Variants in ABLIM2 observed in about 807,000 individuals in gnomAD.
ABLIM2 encodes actin-binding LIM protein 2.
A neutral mutation model predicts 97.7 loss-of-function variants in ABLIM2; 53 were observed. The ratio of observed to expected loss-of-function variants is 0.54; its 90% CI spans 0.44 to 0.68. The LOEUF is 0.68. ABLIM2 is among the 30% of genes least tolerant of loss of function. The pLI, the probability that ABLIM2 is intolerant of heterozygous loss-of-function variation, is 0.00. For synonymous variants in ABLIM2, 361 were observed against 345.8 expected (o/e 1.04, Z -0.49); for missense variants, 835 against 867.2 (o/e 0.96, Z 0.47).
Position 8,071,371 on chromosome 4 carries a change from T to A in ABLIM2, c.675+6257A>T, listed in dbSNP as rs1225374278. Among the ~76,000 whole-genome samples, 1 of 152,152 alleles carries A rather than the reference T, an allele frequency of 6.6e-6. No individual in the cohort carries two copies. The highest frequency in any genetic ancestry group is 2.4e-5 in the African/African-American group (1 of 41,434). On this transcript the variant is annotated intron_variant, in intron 6 of 20. Transcript: ENST00000447017. The surrounding 1 kb of genome is among the most constrained non-coding windows in gnomAD (Gnocchi z 6.2). ...GACAGACACCCAGAGATGGGTGGGA[T>A]GCAGGCCAACATGCATGAGGGTGCT...
rs995739425 is a variant in ABLIM2 at position 8,005,826 on chromosome 4, C to G, written c.1618+2233G>C. Among the ~76,000 whole-genome samples, 1 of 152,234 alleles carries G rather than the reference C, an allele frequency of 6.6e-6. No homozygotes were observed. Among genetic ancestry groups the G allele is most frequent in the Admixed American group, 6.5e-5 (1 of 15,288 alleles). ...AAGCGAAGGAAGGACAGCATCATAGCCACATCTTCATAAGCAGGCATGGCC... is the reference window on the plus strand; with the variant it reads ...AAGCGAAGGAAGGACAGCATCATAGGCACATCTTCATAAGCAGGCATGGCC... On this transcript the variant is annotated intron_variant, in intron 16 of 20. Coordinates refer to ENST00000447017, the MANE Select transcript of ABLIM2 (RefSeq NM_001130083.2). This position sits in a 1 kb window ranked among gnomAD's most constrained non-coding sequence, Gnocchi z 4.9.
At chr4:8,038,766 C>G (rs1252094893) in intron 9 of ABLIM2, among the ~76,000 whole-genome samples, 1 of 152,192 alleles carries the variant, frequency 6.6e-6, no homozygotes, top group African/African-American at 2.4e-5. Context: ...CAATCCCGAG[C>G]CAGCCATTTG....
chr4:8,081,461 A>G (rs1456393717), intron 4 of ABLIM2, among the ~76,000 whole-genome samples: 1 of 152,078 alleles, frequency 6.6e-6, no homozygotes, highest in African/African-American at 2.4e-5. Context: ...GCGGCCCACA[A>G]TCCCTCCACC....
At position 7,970,200 on chromosome 4, in the gene ABLIM2, GT is replaced by G; in HGVS notation, c.1825-3098del. On this transcript the variant is annotated intron_variant, in intron 20 of 20. Coordinates refer to ENST00000447017, the MANE Select transcript of ABLIM2 (RefSeq NM_001130083.2). The surrounding 1 kb of genome is among the most constrained non-coding windows in gnomAD (Gnocchi z 5.3). ...GTAGGCTGGGGTGGTGAACTGACACGTAAGTAAATATGTAAAGGAGGGGAGG... is the reference window on the plus strand; with the variant it reads ...GTAGGCTGGGGTGGTGAACTGACACGAAGTAAATATGTAAAGGAGGGGAGG... Among the ~76,000 whole-genome samples the G allele has an allele frequency of 1.3e-5, 2 of 152,292 alleles. No individual in the cohort carries two copies. The highest frequency in any genetic ancestry group is 2.1e-4 in the South Asian group (1 of 4,828).
Position 8,005,523 on chromosome 4 carries a change from G to T in ABLIM2, c.1618+2536C>A. On this transcript the variant is annotated intron_variant, in intron 16 of 20. Coordinates refer to ENST00000447017, the MANE Select transcript of ABLIM2 (RefSeq NM_001130083.2). This position sits in a 1 kb window ranked among gnomAD's most constrained non-coding sequence, Gnocchi z 4.9. ...TGGTGCCCACGGACTCAGGTCTGGG[G>T]GCTACTTGGTGACAATCAAAAGAAC... The T allele has an allele frequency of 2.0e-6, 1 of 507,724 alleles. No individual in the cohort carries two copies. The highest frequency in any genetic ancestry group is 1.4e-5 in the South Asian group (1 of 71,196). 31.5% of individuals were successfully genotyped at this position (507,724 alleles called of 1,614,324 possible).
In ABLIM2 at chr4:8,112,790, T is replaced by C. The variant is rs930362598; in HGVS notation, c.11-6153A>G. On this transcript the variant is annotated intron_variant, in intron 1 of 20. Transcript: ENST00000447017. The surrounding 1 kb of genome is among the most constrained non-coding windows in gnomAD (Gnocchi z 4.2). ...GGATGAGGATGCCAAGGCTAGGAGA[T>C]GGTCACACGGCTAAGAGACTGAGGC... Among the ~76,000 whole-genome samples, 2 of 152,126 alleles carry C rather than the reference T, an allele frequency of 1.3e-5. No individual in the cohort carries two copies. The highest frequency in any genetic ancestry group is 4.8e-5 in the African/African-American group (2 of 41,404).
rs1311228643 is a variant in ABLIM2, at chr4:8,128,566, G to T, written c.11-21929C>A. Among the ~76,000 whole-genome samples the T allele has an allele frequency of 6.6e-6, 1 of 152,224 alleles. No homozygotes were observed. Among genetic ancestry groups the T allele is most frequent in the Admixed American group, 6.5e-5 (1 of 15,290 alleles). On this transcript the variant is annotated intron_variant, in intron 1 of 20. Transcript: ENST00000447017. The surrounding 1 kb of genome is among the most constrained non-coding windows in gnomAD (Gnocchi z 4.9). ...TACTCCCAGGCTCTAAAACACGAAT[G>T]CACTAAACCTCCAGTGACCTTGCAC...
chr4:8,030,541 G>A (rs981555777), intron 10 of ABLIM2, among the ~76,000 whole-genome samples: 5 of 152,246 alleles, frequency 3.3e-5, no homozygotes, highest in Admixed American at 6.5e-5. Flanking sequence ...GCCTGTCAGA[G>A]CACGTCTCCC....
At chr4:8,070,766 C>A (rs1341397704) in intron 6 of ABLIM2, among the ~76,000 whole-genome samples, 1 of 151,844 alleles carries the variant, frequency 6.6e-6, no homozygotes, top group Non-Finnish European at 1.5e-5. Context: ...GAGTGGTTGA[C>A]TGGGGAAGGA....
chr4:7,988,853 G>A (rs1439722747), intron 17 of ABLIM2, among the ~76,000 whole-genome samples: 1 of 152,148 alleles, frequency 6.6e-6, no homozygotes, highest in African/African-American at 2.4e-5. Flanking sequence ...GCTAACACAT[G>A]TGTTCTTTTC....
At position 8,008,170 on chromosome 4, in the gene ABLIM2, C is replaced by T; in HGVS notation, c.1507G>A (p.Asp503Asn). The T allele has an allele frequency of 3.1e-6, 5 of 1,613,798 alleles. No individual in the cohort carries two copies. The highest frequency in any genetic ancestry group is 3.4e-6 in the Non-Finnish European group (4 of 1,179,794). ...QKSSWLMLKG[D>N]ADTRTNSPDL... ...GGAGAATTGGTCCTTGTGTCTGCAT[C>T]CCCCTTGAGCATCAGCCAGCTGCTC... The change falls in exon 16 of 21, where the codon GAT becomes AAT. Residue 503 changes from aspartate to asparagine, a missense_variant. Physicochemically the swap from Asp to Asn is conservative, Grantham distance 23 (BLOSUM62 1). Transcript: ENST00000447017.
rs1789767068 is a variant in ABLIM2 at position 8,043,037 on chromosome 4, G to C, written c.900+2127C>G. On this transcript the variant is annotated intron_variant, in intron 9 of 20. Coordinates refer to ENST00000447017, the MANE Select transcript of ABLIM2 (RefSeq NM_001130083.2). This position sits in a 1 kb window ranked among gnomAD's most constrained non-coding sequence, Gnocchi z 4.8. ...GTGATGGTGCATGCCTGTAGTCCCA[G>C]CTACTCGGGATGCTGAGGTGGGAGG... Among the ~76,000 whole-genome samples, 1 of 151,800 alleles carries C rather than the reference G, an allele frequency of 6.6e-6. No individual in the cohort carries two copies. Among genetic ancestry groups the C allele is most frequent in the African/African-American group, 2.4e-5 (1 of 41,304 alleles).
chr4:8,027,729 A>G (rs1375782069), intron 12 of ABLIM2, 30 bp downstream of exon 12: 3 of 1,497,154 alleles, frequency 2.0e-6, no homozygotes, highest in African/African-American at 1.4e-5. Flanking sequence ...ACCCATGAGC[A>G]CCCACAGCCC....
intron 14 of ABLIM2, among the ~76,000 whole-genome samples, chr4:8,014,501 T>C (rs901748700): frequency 6.6e-6 from 1 of 152,300 alleles, no homozygotes; most frequent in Non-Finnish European, 1.5e-5. Flanking sequence ...TGTGTGTGTA[T>C]GTGAGTGAGT....
intron 20 of ABLIM2, among the ~76,000 whole-genome samples, chr4:7,978,140 G>T (rs1043944519): frequency 6.6e-6 from 1 of 152,092 alleles, no homozygotes; most frequent in Non-Finnish European, 1.5e-5. Flanking sequence ...AACACCAGGG[G>T]TCCCTTTCTC....
chr4:8,116,722 T>C (rs1244547180), intron 1 of ABLIM2, among the ~76,000 whole-genome samples: 1 of 152,218 alleles, frequency 6.6e-6, no homozygotes, highest in African/African-American at 2.4e-5. Flanking sequence ...AGCACGAGGA[T>C]GTGAGTTCAT....
rs1760860968 is a variant in ABLIM2 at position 8,005,748 on chromosome 4, T to G, written c.1618+2311A>C. On this transcript the variant is annotated intron_variant, in intron 16 of 20. Coordinates refer to ENST00000447017, the MANE Select transcript of ABLIM2 (RefSeq NM_001130083.2). This position sits in a 1 kb window ranked among gnomAD's most constrained non-coding sequence, Gnocchi z 4.9. ...GAAGTAAAGGCACAATCAGAATGGT[T>G]AGACACAGCGGGTTTCCTGCTCAGA... 6.6e-6 allele frequency among the ~76,000 whole-genome samples: 1 copy of G among 152,218 alleles called. No homozygotes were observed. Among genetic ancestry groups the G allele is most frequent in the Admixed American group, 6.5e-5 (1 of 15,282 alleles).
rs532331317 is a variant in ABLIM2 at position 8,112,295 on chromosome 4, G to C, written c.11-5658C>G. Among the ~76,000 whole-genome samples the C allele has an allele frequency of 9.8e-5, 15 of 152,366 alleles. No individual in the cohort carries two copies. Among genetic ancestry groups the C allele is most frequent in the African/African-American group, 3.6e-4 (15 of 41,594 alleles). On this transcript the variant is annotated intron_variant, in intron 1 of 20. Transcript: ENST00000447017. This position sits in a 1 kb window ranked among gnomAD's most constrained non-coding sequence, Gnocchi z 4.2. Reference sequence around the variant, plus strand: ...CCAGAATGGGAGCCAGCAGGGTCCGGTTTGGACCCACCATCCAGGGGCAGC... The same window carrying C: ...CCAGAATGGGAGCCAGCAGGGTCCGCTTTGGACCCACCATCCAGGGGCAGC...
chr4:8,129,191 T>G (rs2152928179), intron 1 of ABLIM2, among the ~76,000 whole-genome samples: 1 of 152,310 alleles, frequency 6.6e-6, no homozygotes, highest in African/African-American at 2.4e-5. Flanking sequence ...CTTTTGACAT[T>G]TATAATTTGA....
Sources: gnomAD v4.1 joint callset for allele counts (sites outside exome capture counted in the v4.1 genomes callset) on GRCh38, gnomAD v4.1.1 for gene constraint, Gnocchi (gnomAD v3.1) non-coding constraint, MANE v1.5 for transcripts, NCBI Gene and HGNC (gene_info 2026-07-23, HGNC 2026-07-21) for gene names.